The following CNTNAP2 variants were observed in gnomAD, a reference collection of about 807,000 sequenced individuals.
CNTNAP2 encodes the protein contactin associated protein 2.
A neutral mutation model predicts 155.2 loss-of-function variants in CNTNAP2; 98 were observed. That is an observed-to-expected ratio of 0.63 (90% CI 0.54 to 0.75). CNTNAP2 has a LOEUF of 0.75. Ranked by LOEUF, CNTNAP2 falls within the 30% of genes least tolerant of loss-of-function variation. CNTNAP2 has a pLI of 0.00. For missense variants in CNTNAP2, 1,727 were observed against 1,688.1 expected, an observed-to-expected ratio of 1.02 and a Z score of -0.40; for synonymous variants, 651 against 631.2, an observed-to-expected ratio of 1.03 and a Z score of -0.47.
intron 11 of CNTNAP2, among the ~76,000 whole-genome samples, chr7:147,536,356 AC>A (rs1799539262): frequency 6.6e-6 from 1 of 152,154 alleles, no homozygotes; most frequent in Non-Finnish European, 1.5e-5. Context: ...CTTGAAACTT[AC>A]TTTTTAGTTG....
chr7:147,295,748 T>C (rs1373577402), intron 8 of CNTNAP2, among the ~76,000 whole-genome samples: 1 of 152,178 alleles, frequency 6.6e-6, no homozygotes. Context: ...ATAAACTTCA[T>C]TACATTTGGG....
intron 15 of CNTNAP2, among the ~76,000 whole-genome samples, chr7:148,068,006 G>A (rs371970205): frequency 2.0e-5 from 3 of 152,170 alleles, no homozygotes; most frequent in African/African-American, 4.8e-5. Flanking sequence ...GCACCCCACC[G>A]ATAGCACTGA....
intron 12 of CNTNAP2, among the ~76,000 whole-genome samples, chr7:147,589,574 A>G (rs1800700071): frequency 1.3e-5 from 2 of 152,162 alleles, no homozygotes; most frequent in Non-Finnish European, 2.9e-5. Context: ...TGTCTTAAAA[A>G]TATATTTTTA....
chr7:147,201,580 A>G (rs1802923077), intron 8 of CNTNAP2, among the ~76,000 whole-genome samples: 1 of 152,160 alleles, frequency 6.6e-6, no homozygotes, highest in Non-Finnish European at 1.5e-5. Context: ...AGCTTCCCTA[A>G]TGCACAGACA....
At chr7:146,242,852 A>T in intron 1 of CNTNAP2, among the ~76,000 whole-genome samples, 1 of 152,210 alleles carries the variant, frequency 6.6e-6, no homozygotes, top group East Asian at 1.9e-4. Context: ...CATTTAGAAG[A>T]TGATGTCATC....
chr7:147,019,292 T>C (rs1354623026), intron 3 of CNTNAP2, among the ~76,000 whole-genome samples: 1 of 152,096 alleles, frequency 6.6e-6, no homozygotes. Flanking sequence ...TCCTTGGGCT[T>C]GTCTTATAAG....
chr7:147,768,418 A>T (rs914944487), intron 13 of CNTNAP2, among the ~76,000 whole-genome samples: 1 of 152,106 alleles, frequency 6.6e-6, no homozygotes, highest in African/African-American at 2.4e-5. Flanking sequence ...TCCTATATGT[A>T]AACTCTTTAC....
chr7:147,622,706 G>A (rs1794886711), intron 12 of CNTNAP2, among the ~76,000 whole-genome samples: 1 of 151,746 alleles, frequency 6.6e-6, no homozygotes, highest in Non-Finnish European at 1.5e-5. Flanking sequence ...ATAACCTAAT[G>A]ATGCAGCTTA....
intron 1 of CNTNAP2, among the ~76,000 whole-genome samples, chr7:146,587,774 G>A (rs1264723008): frequency 6.6e-6 from 1 of 151,920 alleles, no homozygotes; most frequent in African/African-American, 2.4e-5. Context: ...CCATGTTCAA[G>A]CGATTCTCCT....
At chr7:146,375,266 C>G (rs967168585) in intron 1 of CNTNAP2, among the ~76,000 whole-genome samples, 4 of 152,210 alleles carry the variant, frequency 2.6e-5, no homozygotes, top group Non-Finnish European at 5.9e-5. Context: ...TGCTCTTTCT[C>G]TGCACTACTG....
At chr7:147,125,784 A>G (rs1392450148) in intron 6 of CNTNAP2, among the ~76,000 whole-genome samples, 5 of 152,312 alleles carry the variant, frequency 3.3e-5, no homozygotes, top group Non-Finnish European at 7.3e-5. Flanking sequence ...TTCTTTCCAT[A>G]GGGTTTATGA....
intron 1 of CNTNAP2, among the ~76,000 whole-genome samples, chr7:146,729,177 T>C (rs1801482733): frequency 6.6e-6 from 1 of 152,178 alleles, no homozygotes; most frequent in African/African-American, 2.4e-5. Context: ...ACAGCAAACC[T>C]GTTCTTCATT....
At chr7:146,567,646 C>A (rs558040241) in intron 1 of CNTNAP2, among the ~76,000 whole-genome samples, 3 of 152,278 alleles carry the variant, frequency 2.0e-5, no homozygotes, top group South Asian at 4.1e-4. Flanking sequence ...TAAATTGGTA[C>A]TTTAACTTTT....
At chr7:146,375,314 A>G (rs1324911659) in intron 1 of CNTNAP2, among the ~76,000 whole-genome samples, 3 of 152,222 alleles carry the variant, frequency 2.0e-5, no homozygotes, top group Non-Finnish European at 4.4e-5. Context: ...CTCCAGCCAG[A>G]ATAAACCTCT....
chr7:148,061,910 GATAA>G (rs1803144039), intron 15 of CNTNAP2, among the ~76,000 whole-genome samples: 1 of 108,532 alleles, frequency 9.2e-6, no homozygotes, highest in Non-Finnish European at 1.9e-5. Flanking sequence ...TAGATAGATA[GATAA>G]ACAGATATAG....
chr7:147,992,087 CT>C (rs36015914), intron 15 of CNTNAP2, among the ~76,000 whole-genome samples: 44 of 72,758 alleles, frequency 6.0e-4, no homozygotes, highest in East Asian at 2.9e-3. Flanking sequence ...ATTACTACCT[CT>C]TTTTTTTTTT....
At chr7:146,971,788 C>A (rs1224687388) in intron 3 of CNTNAP2, among the ~76,000 whole-genome samples, 1 of 152,020 alleles carries the variant, frequency 6.6e-6, no homozygotes, top group Admixed American at 6.6e-5. Flanking sequence ...CCATAAGACC[C>A]CACCTGCTAA....
intron 2 of CNTNAP2, among the ~76,000 whole-genome samples, chr7:146,822,186 C>T (rs541460322): frequency 6.5e-4 from 99 of 152,100 alleles, no homozygotes; most frequent in African/African-American, 2.0e-3. Flanking sequence ...ATGGATGAAA[C>T]TGGAAACCAT....
chr7:146,843,316 C>G (rs974332111), intron 3 of CNTNAP2, among the ~76,000 whole-genome samples: 1 of 151,898 alleles, frequency 6.6e-6, no homozygotes, highest in South Asian at 2.1e-4. Context: ...CCGGCCCTGT[C>G]CCACACTTTT....
Sources: gnomAD v4.1 joint callset for allele counts (sites outside exome capture counted in the v4.1 genomes callset) on GRCh38, gnomAD v4.1.1 for gene constraint, MANE v1.5 for transcripts, NCBI Gene and HGNC (gene_info 2026-07-23, HGNC 2026-07-21) for gene names.